Variants in SNX16 observed in about 807,000 individuals in gnomAD.
SNX16 encodes the protein sorting nexin-16.
In SNX16, 35 loss-of-function variants were observed where a neutral mutation model predicts 36.7. That is an observed-to-expected ratio of 0.95 (90% CI 0.73 to 1.27). The LOEUF is 1.27. Among genes scored for constraint, SNX16 ranks in the 50% most tolerant of loss-of-function variants. The pLI, the probability that SNX16 is intolerant of heterozygous loss-of-function variation, is 0.00. For synonymous variants in SNX16, 134 were observed against 132.0 expected (o/e 1.02, Z -0.10); for missense variants, 367 against 393.6 (o/e 0.93, Z 0.57).
chr8:81,834,918 A>T (rs1811426388), intron 2 of SNX16, among the ~76,000 whole-genome samples: 1 of 152,132 alleles, frequency 6.6e-6, no homozygotes, highest in African/African-American at 2.4e-5. Flanking sequence ...GCTCCACTAG[A>T]CAGTGCCCCA....
chr8:81,814,418 T>C (rs1157766079), intron 5 of SNX16, among the ~76,000 whole-genome samples: 2 of 151,998 alleles, frequency 1.3e-5, no homozygotes, highest in South Asian at 4.1e-4. Flanking sequence ...ATATGAAATA[T>C]CCAGAAAGGG....
rs865893201 is a variant in SNX16, at chr8:81,839,729, A to C, written c.258T>G (p.Tyr86Ter). 6.2e-7 allele frequency: 1 copy of C among 1,614,022 alleles called. No individual in the cohort carries two copies. The highest frequency in any genetic ancestry group is 8.5e-7 in the Non-Finnish European group (1 of 1,179,926). Reference protein sequence around the residue: ...KFTGTASSIEYSTRPRDTEEQ... With the variant: ...KFTGTASSIE ...CTTCAGTGTCTCTTGGTCTAGTAGA[A>C]TACTCAATGGAAGAAGCTGTACCTG... Residue 86 changes from tyrosine (Y) to a stop codon, truncating the protein, a stop_gained, in exon 2 of 8, where the codon TAT (tyrosine) becomes TAG (stop). Coordinates refer to ENST00000345957, the MANE Select transcript of SNX16 (RefSeq NM_152836.3). LOFTEE classifies it high-confidence loss of function.
At chr8:81,823,735 A>G in intron 4 of SNX16, 57 bp downstream of exon 4, 1 of 1,432,946 alleles carries the variant, frequency 7.0e-7, no homozygotes, top group Non-Finnish European at 9.4e-7. Context: ...TTTATTCTTT[A>G]ATTTACGCCA....
At chr8:81,829,541 G>A (rs753612430) in intron 2 of SNX16, 25 bp from the exon 3 acceptor site, 159 of 1,041,702 alleles carry the variant, frequency 1.5e-4, no homozygotes, top group South Asian at 8.4e-4. Context: ...AAAAACAGAC[G>A]GAGAGAAAAA....
intron 5 of SNX16, among the ~76,000 whole-genome samples, chr8:81,811,578 G>GA (rs1194026347): frequency 6.7e-6 from 1 of 149,064 alleles, no homozygotes; most frequent in Non-Finnish European, 1.5e-5. Context: ...ATAAAATGAG[G>GA]AAAAAAACAC....
chr8:81,818,846 A>T (rs1486904044), intron 4 of SNX16, among the ~76,000 whole-genome samples: 1 of 152,088 alleles, frequency 6.6e-6, no homozygotes, highest in Non-Finnish European at 1.5e-5. Flanking sequence ...GACACATTAC[A>T]GTTGGAGAAG....
chr8:81,807,894 G>A (rs898739487), intron 5 of SNX16: 16 of 766,732 alleles, frequency 2.1e-5, no homozygotes, highest in African/African-American at 3.4e-5. Flanking sequence ...GAACCCTCAC[G>A]AACTGTGCGG....
intron 5 of SNX16, chr8:81,808,828 T>G (rs1810093905): frequency 1.4e-6 from 1 of 710,048 alleles, no homozygotes; most frequent in Non-Finnish European, 2.5e-6. Flanking sequence ...AGCACAGTGG[T>G]GGCAGGGCCT....
chr8:81,806,263 A>G lies in SNX16; in HGVS notation c.682-3035T>C, dbSNP rs145005689. Among the ~76,000 whole-genome samples the G allele has an allele frequency of 1.1e-4, 17 of 152,352 alleles. 1 individual carries two copies. The highest frequency in any genetic ancestry group is 3.4e-4 in the African/African-American group (14 of 41,592). ...AAGGGCAGTAACAGAAACAAATGTT[A>G]CATATGCCAAAATTCTAAATAAAAT... On this transcript the variant is annotated intron_variant, in intron 5 of 7. Transcript: ENST00000345957.
At chr8:81,822,941 C>CATATACATATATATATATATATATATAT (rs1810820930) in intron 4 of SNX16, among the ~76,000 whole-genome samples, 1 of 50,532 alleles carries the variant, frequency 2.0e-5, no homozygotes, top group Non-Finnish European at 3.5e-5. Flanking sequence ...TATATATATA[C>CATATACATATATATATATATATATATAT]ATATACATAT....
intron 2 of SNX16, among the ~76,000 whole-genome samples, chr8:81,834,117 G>C (rs1386164069): frequency 6.6e-6 from 1 of 152,192 alleles, no homozygotes; most frequent in African/African-American, 2.4e-5. Context: ...AGTTCCATGT[G>C]GCTAGGGAGG....
intron 4 of SNX16, among the ~76,000 whole-genome samples, chr8:81,818,951 A>T (rs1810613044): frequency 6.6e-6 from 1 of 152,102 alleles, no homozygotes; most frequent in East Asian, 1.9e-4. Flanking sequence ...TCTCCCAAGT[A>T]GTTTTTTAAA....
rs560421349 is a variant in SNX16, at chr8:81,807,918, A to G, written c.682-4690T>C. The G allele has an allele frequency of 9.1e-5, 70 of 770,312 alleles. 1 individual carries two copies. The highest frequency in any genetic ancestry group is 1.3e-4 in the Non-Finnish European group (55 of 424,646). 47.7% of individuals were successfully genotyped at this position (770,312 alleles called of 1,614,324 possible). ...CGAACTGTGCGGTAATGAGAAATCC[A>G]AACACCAGGTGCTCCAGGGGCTTTG... is the stretch of plus-strand genomic sequence containing the variant. On this transcript the variant is annotated intron_variant, in intron 5 of 7. Transcript: ENST00000345957.
Position 81,839,904 on chromosome 8 carries a change from G to C in SNX16, c.83C>G (p.Ser28Cys). The C allele has an allele frequency of 6.2e-7, 1 of 1,613,910 alleles. No homozygotes were observed. The highest frequency in any genetic ancestry group is 1.3e-5 in the African/African-American group (1 of 75,034). The change falls in exon 2 of 8, where the codon TCT (serine) becomes TGT (cysteine). Residue 28 changes from serine (S) to cysteine (C), a missense_variant. Coordinates refer to ENST00000345957, the MANE Select transcript of SNX16 (RefSeq NM_152836.3). ...GCTTGTTGAGACACTGCCAAAAGAA[G>C]AACTTCTTTGATTTCTGTTTGTTGT... Reference protein sequence around the residue: ...SFTTNRNQRSSSFGSVSTSSN... With the variant: ...SFTTNRNQRSCSFGSVSTSSN...
intron 3 of SNX16, among the ~76,000 whole-genome samples, chr8:81,827,812 A>G (rs1205989368): frequency 6.6e-6 from 1 of 152,202 alleles, no homozygotes; most frequent in Non-Finnish European, 1.5e-5. Context: ...GGAGGAAAGG[A>G]CAAGTCACAA....
intron 4 of SNX16, among the ~76,000 whole-genome samples, chr8:81,816,076 T>C (rs1466613135): frequency 1.3e-5 from 2 of 152,200 alleles, no homozygotes; most frequent in Non-Finnish European, 2.9e-5. Context: ...GTTTGGACTG[T>C]TGAACTGAGA....
chr8:81,824,470 T>A (rs529275578), intron 3 of SNX16, among the ~76,000 whole-genome samples: 31 of 152,294 alleles, frequency 2.0e-4, no homozygotes, highest in African/African-American at 6.0e-4. Context: ...CAGATTTTTT[T>A]TAATTTTAAT....
chr8:81,837,239 C>T (rs1811529836), intron 2 of SNX16, among the ~76,000 whole-genome samples: 1 of 152,114 alleles, frequency 6.6e-6, no homozygotes, highest in South Asian at 2.1e-4. Context: ...CAGAACAGTG[C>T]CTGAGGCATA....
intron 1 of SNX16, chr8:81,841,638 A>G (rs1811782347): frequency 6.6e-6 from 1 of 152,228 alleles, no homozygotes; most frequent in African/African-American, 2.4e-5. Flanking sequence ...AAAAAACAAA[A>G]CAAGCAAACA....
Sources: gnomAD v4.1 joint callset for allele counts (sites outside exome capture counted in the v4.1 genomes callset) on GRCh38, gnomAD v4.1.1 for gene constraint, MANE v1.5 for transcripts, NCBI Gene and HGNC (gene_info 2026-07-23, HGNC 2026-07-21) for gene names.